Variants in SCUBE1 observed in about 807,000 individuals in gnomAD.
SCUBE1 encodes signal peptide, CUB and EGF-like domain-containing protein 1.
A neutral mutation model predicts 124.4 loss-of-function variants in SCUBE1; 59 were observed. That is an observed-to-expected ratio of 0.47 (90% CI 0.38 to 0.59). The LOEUF (loss-of-function observed/expected upper bound fraction) is 0.59, where lower values mean the gene tolerates loss of function less well. Among genes scored for constraint, SCUBE1 ranks in the 20% least tolerant of loss-of-function variants. The probability of loss-of-function intolerance (pLI) is 0.00; values close to 1 mark genes in which losing one functional copy is unlikely to be tolerated. For synonymous variants in SCUBE1, 545 were observed against 550.9 expected, an observed-to-expected ratio of 0.99 and a Z score of 0.15; for missense variants, 1,150 against 1,371.2, an observed-to-expected ratio of 0.84 and a Z score of 2.55.
In SCUBE1 at chr22:43,303,460, G is replaced by A. The variant is rs118103425; in HGVS notation, c.350-12280C>T. 8.9e-4 allele frequency among the ~76,000 whole-genome samples: 135 copies of A among 152,368 alleles called. 5 individuals are homozygous for A. In the East Asian group the frequency reaches 0.024, roughly 27 times the overall value. ...GTCAGGCCCCGGGGTGGGCCTGGTG[G>A]CAACAACCAGGACTAAGGAATAGTT... On this transcript the variant is annotated intron_variant, in intron 3 of 21. Coordinates refer to ENST00000360835, the MANE Select transcript of SCUBE1 (RefSeq NM_173050.5).
chr22:43,263,703 C>T lies in SCUBE1; in HGVS notation c.485-858G>A, dbSNP rs1012577614. Reference sequence around the variant, plus strand: ...CTGCTAGTTGTAATAAAGACAAAAACGTCTAAAGTTAAAAATCAAACAAAC... The same window carrying T: ...CTGCTAGTTGTAATAAAGACAAAAATGTCTAAAGTTAAAAATCAAACAAAC... On this transcript the variant is annotated intron_variant, in intron 4 of 21. Transcript: ENST00000360835. Among the ~76,000 whole-genome samples, 25 of 152,328 alleles carry T rather than the reference C, an allele frequency of 1.6e-4. 1 individual carries two copies. The highest frequency in any genetic ancestry group is 5.5e-4 in the African/African-American group (23 of 41,574).
chr22:43,212,347 G>A, intron 17 of SCUBE1, 78 bp downstream of exon 17: 1 of 1,451,958 alleles, frequency 6.9e-7, no homozygotes, highest in Non-Finnish European at 9.3e-7. Context: ...GGAGATGAGA[G>A]GGGTTCGGGG....
At chr22:43,271,598 G>A (rs949158160) in intron 4 of SCUBE1, among the ~76,000 whole-genome samples, 4 of 151,972 alleles carry the variant, frequency 2.6e-5, no homozygotes, top group Admixed American at 6.6e-5. Flanking sequence ...CTCGCGGTGC[G>A]GCCTCGGCTT....
At chr22:43,328,604 T>C (rs2146793571) in intron 2 of SCUBE1, among the ~76,000 whole-genome samples, 1 of 152,276 alleles carries the variant, frequency 6.6e-6, no homozygotes, top group East Asian at 1.9e-4. Context: ...AGAAGGGAGC[T>C]GAAAGACAAA....
intron 10 of SCUBE1, among the ~76,000 whole-genome samples, chr22:43,227,061 G>A (rs879326908): frequency 6.6e-6 from 1 of 152,176 alleles, no homozygotes; most frequent in Non-Finnish European, 1.5e-5. Flanking sequence ...GGAGACATCA[G>A]CAGGGTCCCT....
At chr22:43,310,219 C>T (rs532556782) in intron 3 of SCUBE1, among the ~76,000 whole-genome samples, 1 of 152,092 alleles carries the variant, frequency 6.6e-6, no homozygotes, top group Non-Finnish European at 1.5e-5. Flanking sequence ...TCCTACCACA[C>T]TTGTCCCCCT....
At chr22:43,282,797 G>C (rs1214808913) in intron 4 of SCUBE1, 1 of 152,052 alleles carries the variant, frequency 6.6e-6, no homozygotes, top group Non-Finnish European at 1.5e-5. Flanking sequence ...CCGGGTTCAA[G>C]TAATTCTCCT....
At chr22:43,304,588 G>A (rs367693576) in intron 3 of SCUBE1, among the ~76,000 whole-genome samples, 21 of 152,038 alleles carry the variant, frequency 1.4e-4, no homozygotes, top group African/African-American at 3.6e-4. Flanking sequence ...GCGGTTGGTC[G>A]TGTGTGTGTG....
At chr22:43,271,804 G>C (rs1924303570) in intron 4 of SCUBE1, among the ~76,000 whole-genome samples, 1 of 152,146 alleles carries the variant, frequency 6.6e-6, no homozygotes, top group South Asian at 2.1e-4. Flanking sequence ...AAGACTGCGG[G>C]CTTCTACTTA....
chr22:43,200,613 C>T lies in SCUBE1; in HGVS notation c.*3384G>A, dbSNP rs1028635364. On this transcript the variant is annotated 3_prime_UTR_variant, in exon 22 of 22. Coordinates refer to ENST00000360835, the MANE Select transcript of SCUBE1 (RefSeq NM_173050.5). ...AGGCCCAGGGTCAGCTGTAGTTTAA[C>T]GGGGGACCCCCAAGTTCCCTGGTGT... 7 of 152,448 alleles carry T rather than the reference C, an allele frequency of 4.6e-5. No homozygotes were observed. The highest frequency in any genetic ancestry group is 2.1e-4 in the South Asian group (1 of 4,834). The allele number at this position is 152,448 out of a possible 1,614,324, so 9.4% of individuals were successfully genotyped here.
chr22:43,266,114 AT>A (rs1369485203), intron 4 of SCUBE1, among the ~76,000 whole-genome samples: 4 of 152,100 alleles, frequency 2.6e-5, no homozygotes, highest in Non-Finnish European at 4.4e-5. Flanking sequence ...GAAAAAAAAA[AT>A]ATTACATGTT....
chr22:43,310,092 G>A (rs1311519339), intron 3 of SCUBE1, among the ~76,000 whole-genome samples: 1 of 152,020 alleles, frequency 6.6e-6, no homozygotes, highest in Non-Finnish European at 1.5e-5. Context: ...CCCCTTTCTC[G>A]AGACGATATG....
intron 3 of SCUBE1, among the ~76,000 whole-genome samples, chr22:43,306,990 C>T (rs1232347439): frequency 2.6e-5 from 4 of 152,230 alleles, no homozygotes; most frequent in East Asian, 3.8e-4. Flanking sequence ...ACCGTCAAGT[C>T]GTTTGCCTCC....
chr22:43,315,656 A>G (rs2146779596), intron 3 of SCUBE1, among the ~76,000 whole-genome samples: 1 of 151,850 alleles, frequency 6.6e-6, no homozygotes, highest in African/African-American at 2.4e-5. Flanking sequence ...GCCCTCAGCT[A>G]AAGGCAGAGG....
At chr22:43,219,908 A>G (rs1248537291) in intron 14 of SCUBE1, among the ~76,000 whole-genome samples, 4 of 151,582 alleles carry the variant, frequency 2.6e-5, no homozygotes, top group African/African-American at 9.7e-5. Context: ...TCTCTGGCTG[A>G]GAGTGTTACC....
chr22:43,307,604 A>G (rs1234236654), intron 3 of SCUBE1, among the ~76,000 whole-genome samples: 1 of 152,178 alleles, frequency 6.6e-6, no homozygotes, highest in Non-Finnish European at 1.5e-5. Context: ...CAGCCCAGCC[A>G]GGGGGTTCCA....
At chr22:43,260,873 C>T (rs7286830) in intron 5 of SCUBE1, among the ~76,000 whole-genome samples, 1,744 of 152,316 alleles carry the variant, frequency 0.011, 34 homozygotes, top group East Asian at 0.049. Flanking sequence ...TCCCTGACCT[C>T]TCGCACCAGG....
intron 1 of SCUBE1, 98 bp from the exon 2 acceptor site, chr22:43,339,333 C>T (rs1927191130): frequency 8.1e-7 from 1 of 1,228,136 alleles, no homozygotes; most frequent in Non-Finnish European, 1.1e-6. Flanking sequence ...TTTGCCCGTC[C>T]ATTGATCGGT....
chr22:43,227,287 G>A (rs1467622464), intron 10 of SCUBE1, 87 bp downstream of exon 10: 6 of 1,462,958 alleles, frequency 4.1e-6, no homozygotes, highest in Admixed American at 2.0e-5. Flanking sequence ...GGGCTGTCCT[G>A]CTCACCCCCA....
Sources: allele counts gnomAD v4.1 joint callset (sites outside exome capture counted in the v4.1 genomes callset), GRCh38; gene constraint gnomAD v4.1.1; transcripts MANE v1.5; gene names NCBI Gene and HGNC (gene_info 2026-07-23, HGNC 2026-07-21).